ROBO1: variants seen among roughly 807,000 people sequenced by gnomAD.
ROBO1 encodes the protein roundabout guidance receptor 1.
ROBO1 carries 149 observed loss-of-function variants against 195.9 expected under a neutral mutation model. That is an observed-to-expected ratio of 0.76 (90% CI 0.67 to 0.87). The LOEUF (loss-of-function observed/expected upper bound fraction) is 0.87. Ranked by LOEUF, ROBO1 falls within the 40% of genes least tolerant of loss-of-function variation. The pLI, the probability that ROBO1 is intolerant of heterozygous loss-of-function variation, is 0.00. For synonymous variants in ROBO1, 816 were observed against 733.2 expected (o/e 1.11, Z -1.82); for missense variants, 1,933 against 2,068.3 (o/e 0.93, Z 1.27).
At chr3:79,537,477 C>T (rs1354236305) in intron 2 of ROBO1, among the ~76,000 whole-genome samples, 1 of 152,116 alleles carries the variant, frequency 6.6e-6, no homozygotes, top group East Asian at 1.9e-4. Flanking sequence ...AACTTTTACT[C>T]CCCATTGGCT....
intron 2 of ROBO1, among the ~76,000 whole-genome samples, chr3:79,467,614 C>T (rs184231068): frequency 6.6e-6 from 1 of 152,070 alleles, no homozygotes; most frequent in African/African-American, 2.4e-5. Context: ...CACTCCATAC[C>T]CTTTTGGGCT....
intron 4 of ROBO1, among the ~76,000 whole-genome samples, chr3:78,815,319 T>A (rs333500): frequency 0.97 from 147,796 of 152,250 alleles, 71,875 homozygotes; most frequent in East Asian, 1. Flanking sequence ...CCAAACAGTT[T>A]GCCAAGCTGT....
intron 2 of ROBO1, among the ~76,000 whole-genome samples, chr3:79,141,706 C>T (rs966565232): frequency 1.3e-5 from 2 of 152,132 alleles, no homozygotes; most frequent in Admixed American, 1.3e-4. Context: ...AGGTAGGGCA[C>T]TGGTGATCAA....
chr3:78,733,359 A>G (rs1237093733), intron 5 of ROBO1, among the ~76,000 whole-genome samples: 2 of 152,232 alleles, frequency 1.3e-5, no homozygotes, highest in East Asian at 3.9e-4. Flanking sequence ...ATTGTTTACA[A>G]TATCTTGTAA....
At chr3:79,694,198 A>G (rs1206546883) in intron 1 of ROBO1, among the ~76,000 whole-genome samples, 3 of 151,880 alleles carry the variant, frequency 2.0e-5, no homozygotes, top group Non-Finnish European at 4.4e-5. Context: ...CATTCTAGTT[A>G]TATAAATGTA....
intron 2 of ROBO1, among the ~76,000 whole-genome samples, chr3:79,428,068 T>C (rs2106997693): frequency 6.6e-6 from 1 of 152,182 alleles, no homozygotes; most frequent in East Asian, 1.9e-4. Flanking sequence ...AACCAGAATA[T>C]ATGAGGAATT....
chr3:78,905,033 G>T (rs1053384525), intron 4 of ROBO1, among the ~76,000 whole-genome samples: 1 of 151,534 alleles, frequency 6.6e-6, no homozygotes, highest in East Asian at 1.9e-4. Context: ...TTATTATGGG[G>T]TCTTATTTCT....
At chr3:78,736,571 C>T (rs1338627224) in intron 5 of ROBO1, among the ~76,000 whole-genome samples, 1 of 152,068 alleles carries the variant, frequency 6.6e-6, no homozygotes, top group East Asian at 1.9e-4. Context: ...CATGCCAAGA[C>T]TCTCATATAT....
intron 2 of ROBO1, among the ~76,000 whole-genome samples, chr3:79,581,777 A>T (rs1322896357): frequency 6.6e-6 from 1 of 152,158 alleles, no homozygotes; most frequent in African/African-American, 2.4e-5. Flanking sequence ...CTCAAGAAAC[A>T]TATAGAATGA....
intron 3 of ROBO1, among the ~76,000 whole-genome samples, chr3:78,951,668 G>A (rs58608513): frequency 0.097 from 14,813 of 152,104 alleles, 1,683 homozygotes; most frequent in African/African-American, 0.28. Flanking sequence ...CAGGGAAAGC[G>A]CAGGGCAGGA....
intron 2 of ROBO1, among the ~76,000 whole-genome samples, chr3:79,531,097 C>T (rs1327130588): frequency 6.6e-6 from 1 of 152,096 alleles, no homozygotes; most frequent in African/African-American, 2.4e-5. Context: ...TGGTTGGTAG[C>T]TACTGTTTTT....
At chr3:79,521,069 A>G (rs1346014565) in intron 2 of ROBO1, among the ~76,000 whole-genome samples, 1 of 152,182 alleles carries the variant, frequency 6.6e-6, no homozygotes, top group Non-Finnish European at 1.5e-5. Context: ...CCCCATTCAA[A>G]GTGCAAGCCT....
At chr3:79,146,038 CAA>C (rs33941210) in intron 2 of ROBO1, among the ~76,000 whole-genome samples, 1 of 147,872 alleles carries the variant, frequency 6.8e-6, no homozygotes, top group Non-Finnish European at 1.5e-5. Flanking sequence ...ATAAAGAAAG[CAA>C]AAAAAAAAAG....
At chr3:78,740,450 TTTTCTTTC>T (rs150036229) in intron 5 of ROBO1, among the ~76,000 whole-genome samples, 41 of 103,234 alleles carry the variant, frequency 4.0e-4, no homozygotes, top group Middle Eastern at 5.1e-3. Flanking sequence ...ATTTTTCTTT[TTTTCTTTC>T]TTTCTTTCTT....
Position 78,938,472 on chromosome 3 carries a change from A to G in ROBO1, c.499+129T>C, listed in dbSNP as rs145506515. The G allele has an allele frequency of 2.5e-5, 18 of 711,456 alleles. No homozygotes were observed. The African/African-American group carries it at 3.0e-4, about 12-fold the overall frequency. The allele number at this position is 711,456 out of a possible 1,614,324, so 44.1% of individuals were successfully genotyped here. The stretch of plus-strand genomic sequence containing the variant: ...AAAACCGAAATAGTAGATTGTATTC[A>G]CATACAAAGCTAGAGTTTATCCTCA... On this transcript the variant is annotated intron_variant, in intron 4 of 30. Coordinates refer to ENST00000464233, the MANE Select transcript of ROBO1 (RefSeq NM_002941.4).
At chr3:79,503,971 C>T (rs1344358030) in intron 2 of ROBO1, among the ~76,000 whole-genome samples, 2 of 152,110 alleles carry the variant, frequency 1.3e-5, no homozygotes, top group African/African-American at 2.4e-5. Flanking sequence ...AAATTTACTC[C>T]TGGTTGACAG....
intron 3 of ROBO1, among the ~76,000 whole-genome samples, chr3:79,055,242 A>G (rs967555826): frequency 2.6e-5 from 4 of 152,072 alleles, no homozygotes; most frequent in African/African-American, 9.7e-5. Flanking sequence ...CAGTGAGTCA[A>G]TTGCTCAACT....
intron 2 of ROBO1, among the ~76,000 whole-genome samples, chr3:79,516,423 A>T (rs1369981685): frequency 6.6e-6 from 1 of 152,138 alleles, no homozygotes; most frequent in East Asian, 1.9e-4. Context: ...GAGAATAAAA[A>T]GTTATGCAGT....
chr3:79,492,720 C>T (rs1939529789), intron 2 of ROBO1, among the ~76,000 whole-genome samples: 1 of 151,956 alleles, frequency 6.6e-6, no homozygotes, highest in African/African-American at 2.4e-5. Context: ...GTACTAAATA[C>T]ACATCTGACA....
Sources: gnomAD v4.1 joint callset for allele counts (sites outside exome capture counted in the v4.1 genomes callset) on GRCh38, gnomAD v4.1.1 for gene constraint, MANE v1.5 for transcripts, NCBI Gene and HGNC (gene_info 2026-07-23, HGNC 2026-07-21) for gene names.